The following KHDRBS2 variants were observed in gnomAD, a reference collection of about 807,000 sequenced individuals.
KHDRBS2 encodes the protein KH RNA binding domain containing, signal transduction associated 2, also known as KH domain-containing, RNA-binding, signal transduction-associated protein 2.
KHDRBS2 carries 26 observed loss-of-function variants against 44.3 expected under a neutral mutation model. The observed-to-expected ratio is 0.59, with a 90% CI of 0.43 to 0.81. The LOEUF is 0.81. KHDRBS2 is among the 40% of genes least tolerant of loss of function. The probability of loss-of-function intolerance (pLI) is 0.00; values close to 1 mark genes in which losing one functional copy is unlikely to be tolerated. For synonymous variants in KHDRBS2, 194 were observed against 151.1 expected (o/e 1.28, Z -2.08); for missense variants, 476 against 433.1 (o/e 1.10, Z -0.88).
At chr6:61,929,820 G>C (rs938974356) in intron 4 of KHDRBS2, among the ~76,000 whole-genome samples, 3 of 152,110 alleles carry the variant, frequency 2.0e-5, no homozygotes, top group African/African-American at 7.2e-5. Flanking sequence ...AAAATTGTTA[G>C]ATGAAGTTGT....
intron 2 of KHDRBS2, among the ~76,000 whole-genome samples, chr6:62,107,280 G>A (rs1803655318): frequency 6.6e-6 from 1 of 152,130 alleles, no homozygotes; most frequent in Non-Finnish European, 1.5e-5. Flanking sequence ...AAAATCACAA[G>A]CATTCTTATA....
At chr6:61,576,975 A>T in the KHDRBS2 span, among the ~76,000 whole-genome samples, 1 of 152,076 alleles carries the variant, frequency 6.6e-6, no homozygotes, top group Non-Finnish European at 1.5e-5. Context: ...AAAAGTGTTG[A>T]TTTATAGATC....
At chr6:61,819,676 GA>G (rs1789564924) in intron 6 of KHDRBS2, among the ~76,000 whole-genome samples, 1 of 152,092 alleles carries the variant, frequency 6.6e-6, no homozygotes, top group East Asian at 1.9e-4. Context: ...TTCAATATTA[GA>G]GAAAGCAAAT....
In KHDRBS2 at chr6:61,838,572, T is replaced by TA. The variant is rs529090080; in HGVS notation, c.810+56062dup. 5.1e-4 allele frequency among the ~76,000 whole-genome samples: 78 copies of TA among 152,132 alleles called. 1 individual carries two copies. The East Asian group carries it at 0.013, about 26-fold the overall frequency. On this transcript the variant is annotated intron_variant, in intron 6 of 8. Transcript: ENST00000281156. ...TTAACTTATTTTGCCTTCTTCAACC[T>TA]ATATATAGTCTTGAATTCAGGAATG... is the stretch of plus-strand genomic sequence containing the variant.
intron 3 of KHDRBS2, among the ~76,000 whole-genome samples, chr6:62,019,865 A>T (rs1781935805): frequency 1.4e-5 from 2 of 146,734 alleles, no homozygotes; most frequent in Non-Finnish European, 1.5e-5. Flanking sequence ...AATTTTGTTG[A>T]TTTTCTCCAA....
chr6:62,181,706 A>C (rs1334415671), intron 1 of KHDRBS2, among the ~76,000 whole-genome samples: 1 of 151,972 alleles, frequency 6.6e-6, no homozygotes, highest in Non-Finnish European at 1.5e-5. Flanking sequence ...CCAAATTCAT[A>C]TGTTCAAATC....
intron 6 of KHDRBS2, among the ~76,000 whole-genome samples, chr6:61,844,498 T>A (rs1175289929): frequency 6.6e-6 from 1 of 152,172 alleles, no homozygotes; most frequent in African/African-American, 2.4e-5. Context: ...ATGATCCTTG[T>A]GATAACCTAC....
intron 6 of KHDRBS2, among the ~76,000 whole-genome samples, chr6:61,852,220 C>G (rs1795531367): frequency 6.6e-6 from 1 of 151,254 alleles, no homozygotes; most frequent in African/African-American, 2.4e-5. Flanking sequence ...AAACTCCGTC[C>G]AAAAATAAAT....
Position 62,197,819 on chromosome 6 carries a change from T to C in KHDRBS2, c.92-20507A>G, listed in dbSNP as rs60962008. Among the ~76,000 whole-genome samples, 1,058 of 152,168 alleles carry C rather than the reference T, an allele frequency of 7.0e-3. 8 individuals are homozygous for C. The highest frequency in any genetic ancestry group is 0.025 in the African/African-American group (1,018 of 41,488). ...GCACCACACCACACCTATTCCAAAA[T>C]TGACCACATAGTTGGAAGTAAAGCA... On this transcript the variant is annotated intron_variant, in intron 1 of 8. Transcript: ENST00000281156.
intron 3 of KHDRBS2, among the ~76,000 whole-genome samples, chr6:62,017,242 A>C (rs974149336): frequency 1.3e-5 from 2 of 152,144 alleles, no homozygotes; most frequent in Admixed American, 1.3e-4. Context: ...GTATCATTGT[A>C]GGAAGGTAAA....
At chr6:62,219,565 G>A (rs1830542122) in intron 1 of KHDRBS2, among the ~76,000 whole-genome samples, 1 of 151,118 alleles carries the variant, frequency 6.6e-6, no homozygotes, top group Non-Finnish European at 1.5e-5. Flanking sequence ...CAACCTAAAA[G>A]ATGCATATTA....
chr6:61,869,964 G>GT (rs59518436), intron 6 of KHDRBS2, among the ~76,000 whole-genome samples: 33,107 of 107,396 alleles, frequency 0.31, 5,191 homozygotes, highest in East Asian at 0.42. Flanking sequence ...CTGCAGGAGT[G>GT]TTTTTTTTTT....
At chr6:61,560,090 G>T in the KHDRBS2 span, among the ~76,000 whole-genome samples, 1 of 151,938 alleles carries the variant, frequency 6.6e-6, no homozygotes, top group Non-Finnish European at 1.5e-5. Context: ...CTATTTTAGG[G>T]TAAGGTTTTT....
At chr6:61,683,433 T>C (rs1766511829) in intron 8 of KHDRBS2, among the ~76,000 whole-genome samples, 1 of 151,830 alleles carries the variant, frequency 6.6e-6, no homozygotes, top group Non-Finnish European at 1.5e-5. Context: ...CCCAAGTGCC[T>C]GGGAGAAATT....
the KHDRBS2 span, among the ~76,000 whole-genome samples, chr6:61,557,860 AAACTTGGTAGGT>A: frequency 6.6e-6 from 1 of 152,134 alleles, no homozygotes; most frequent in African/African-American, 2.4e-5. Flanking sequence ...CTCATGGTTC[AAACTTGGTAGGT>A]TACATGTGTC....
the KHDRBS2 span, among the ~76,000 whole-genome samples, chr6:61,594,568 G>A: frequency 6.6e-6 from 1 of 152,036 alleles, no homozygotes; most frequent in Non-Finnish European, 1.5e-5. Context: ...AGATGCAATT[G>A]ACAAACTCCT....
chr6:61,692,775 G>A (rs1040576720), intron 8 of KHDRBS2, among the ~76,000 whole-genome samples: 9 of 152,146 alleles, frequency 5.9e-5, no homozygotes, highest in African/African-American at 1.2e-4. Context: ...CCTGCCATTC[G>A]GGAGAGCATT....
At chr6:61,550,507 C>T in the KHDRBS2 span, among the ~76,000 whole-genome samples, 1 of 152,046 alleles carries the variant, frequency 6.6e-6, no homozygotes, top group Non-Finnish European at 1.5e-5. Flanking sequence ...AATATGAGTG[C>T]ATGTGTCTTT....
In KHDRBS2 at chr6:62,052,307, C is replaced by T. The variant is rs142818122; in HGVS notation, c.220-4313G>A. Among the ~76,000 whole-genome samples, 674 of 151,750 alleles carry T rather than the reference C, an allele frequency of 4.4e-3. 4 individuals carry two copies. The highest frequency in any genetic ancestry group is 0.016 in the African/African-American group (652 of 41,386). On this transcript the variant is annotated intron_variant, in intron 2 of 8. Coordinates refer to ENST00000281156, the MANE Select transcript of KHDRBS2 (RefSeq NM_152688.4). The stretch of plus-strand genomic sequence containing the variant: ...TTATTCAGCCTGAAAAACAATGAGA[C>T]CTTGCCATTTTTGCCACAATGTGGA...
Sources: gnomAD v4.1 joint callset for allele counts (sites outside exome capture counted in the v4.1 genomes callset) on GRCh38, gnomAD v4.1.1 for gene constraint, MANE v1.5 for transcripts, NCBI Gene and HGNC (gene_info 2026-07-23, HGNC 2026-07-21) for gene names.